NCALD: variants seen among roughly 807,000 people sequenced by gnomAD.
NCALD encodes the protein neurocalcin delta, also known as neurocalcin-delta.
In NCALD, 10 loss-of-function variants were observed where a neutral mutation model predicts 18.6. The observed-to-expected ratio is 0.54, with a 90% CI of 0.33 to 0.91. The LOEUF is 0.91. Among genes scored for constraint, NCALD ranks in the 40% least tolerant of loss-of-function variants. NCALD has a pLI of 0.03. For missense variants in NCALD, 184 were observed against 247.6 expected (o/e 0.74, Z 1.72); for synonymous variants, 88 against 87.4 (o/e 1.01, Z -0.04).
Position 101,710,369 on chromosome 8 carries a change from G to A in NCALD, c.378+8883C>T, listed in dbSNP as rs1030072448. Among the ~76,000 whole-genome samples, 3 of 151,578 alleles carry A rather than the reference G, an allele frequency of 2.0e-5. No individual in the cohort carries two copies. In the South Asian group the frequency reaches 6.3e-4, roughly 32 times the overall value. ...GGCAGACAACACGCTAGCTGCAGAT[G>A]TTTTTTTTTGTACTCCAGTGGTGCC... is the stretch of plus-strand genomic sequence containing the variant. On this transcript the variant is annotated intron_variant, in intron 2 of 3. Transcript: ENST00000220931.
At chr8:101,828,033 A>C (rs895708671) in intron 4 of NCALD, among the ~76,000 whole-genome samples, 5 of 152,218 alleles carry the variant, frequency 3.3e-5, no homozygotes, top group Admixed American at 2.6e-4. Flanking sequence ...TTTTAATGTA[A>C]CATAGCAATT....
intron 2 of NCALD, chr8:101,694,529 C>T (rs1291670625): frequency 1.3e-5 from 2 of 152,186 alleles, no homozygotes; most frequent in African/African-American, 4.8e-5. Context: ...TGTCTCAAAC[C>T]CACCCAATGT....
At chr8:101,943,889 C>T (rs1156890716) in intron 2 of NCALD, among the ~76,000 whole-genome samples, 2 of 151,238 alleles carry the variant, frequency 1.3e-5, no homozygotes, top group Non-Finnish European at 2.9e-5. Flanking sequence ...TGCAGTGAGC[C>T]GAGATCACAC....
intron 3 of NCALD, chr8:101,690,431 C>A: frequency 2.0e-6 from 2 of 985,456 alleles, no homozygotes; most frequent in Non-Finnish European, 2.4e-6. Flanking sequence ...AAGGGCAGCA[C>A]CCGGCCTGCC....
At chr8:102,048,461 C>G (rs1482736062) in intron 1 of NCALD, among the ~76,000 whole-genome samples, 1 of 152,148 alleles carries the variant, frequency 6.6e-6, no homozygotes, top group African/African-American at 2.4e-5. Context: ...CTCAGAGACT[C>G]TTTCTCTGTA....
intron 2 of NCALD, chr8:101,693,698 C>T (rs1037469002): frequency 2.6e-5 from 4 of 152,130 alleles, no homozygotes; most frequent in Non-Finnish European, 5.9e-5. Context: ...CAAGTGGATG[C>T]CTATCATGGA....
chr8:102,099,004 T>C (rs77192122), intron 1 of NCALD, among the ~76,000 whole-genome samples: 2 of 152,354 alleles, frequency 1.3e-5, no homozygotes, highest in East Asian at 3.9e-4. Flanking sequence ...TTGATGGCCA[T>C]GTTGGCTTCC....
intron 2 of NCALD, among the ~76,000 whole-genome samples, chr8:101,715,053 A>T (rs1327507594): frequency 6.6e-6 from 1 of 151,892 alleles, no homozygotes; most frequent in Admixed American, 6.5e-5. Flanking sequence ...CTGACTTCAA[A>T]CTATACTACA....
At chr8:101,975,363 C>T (rs752430068) in intron 2 of NCALD, 1 of 152,188 alleles carries the variant, frequency 6.6e-6, no homozygotes, top group Admixed American at 6.5e-5. Context: ...TGAACTATGG[C>T]TCTCTAAGCC....
At chr8:101,951,860 G>A (rs965555604) in intron 2 of NCALD, among the ~76,000 whole-genome samples, 6 of 152,088 alleles carry the variant, frequency 3.9e-5, no homozygotes, top group Non-Finnish European at 4.4e-5. Flanking sequence ...CCACAGGTAG[G>A]ACCAAGTGGC....
intron 4 of NCALD, among the ~76,000 whole-genome samples, chr8:101,804,106 T>C (rs1812970191): frequency 6.6e-6 from 1 of 152,090 alleles, no homozygotes; most frequent in Non-Finnish European, 1.5e-5. Context: ...TAGAACTTGC[T>C]GAAGGCTCAG....
At chr8:101,949,540 G>A (rs7838767) in intron 2 of NCALD, among the ~76,000 whole-genome samples, 55,287 of 151,452 alleles carry the variant, frequency 0.37, 10,374 homozygotes, top group South Asian at 0.44. Flanking sequence ...TAATAACTCG[G>A]CCTCCCCGTC....
intron 2 of NCALD, among the ~76,000 whole-genome samples, chr8:102,004,849 C>T (rs1018717447): frequency 6.6e-6 from 1 of 152,064 alleles, no homozygotes; most frequent in African/African-American, 2.4e-5. Context: ...GAAACTGGAT[C>T]CCTTCCTTAC....
At chr8:102,039,617 G>A (rs1822982014) in intron 1 of NCALD, among the ~76,000 whole-genome samples, 1 of 152,096 alleles carries the variant, frequency 6.6e-6, no homozygotes, top group South Asian at 2.1e-4. Context: ...CTTACTAGAT[G>A]AGCTCAGTCC....
chr8:101,831,375 T>C (rs1199210940), intron 4 of NCALD, among the ~76,000 whole-genome samples: 2 of 152,196 alleles, frequency 1.3e-5, no homozygotes, highest in African/African-American at 2.4e-5. Flanking sequence ...CCTGTGCCAT[T>C]GGATTATCTT....
chr8:101,833,264 A>G (rs1487796473), intron 4 of NCALD, among the ~76,000 whole-genome samples: 2 of 152,230 alleles, frequency 1.3e-5, no homozygotes, highest in Non-Finnish European at 2.9e-5. Context: ...CTAAAAGTCT[A>G]CATTTCTAGC....
intron 2 of NCALD, among the ~76,000 whole-genome samples, chr8:101,949,941 G>A (rs1022685208): frequency 1.3e-5 from 2 of 152,156 alleles, no homozygotes; most frequent in South Asian, 4.1e-4. Flanking sequence ...CATCCATCAG[G>A]CACTTCATCA....
At chr8:101,790,405 T>G (rs1812402617) in intron 1 of NCALD, among the ~76,000 whole-genome samples, 1 of 152,242 alleles carries the variant, frequency 6.6e-6, no homozygotes, top group African/African-American at 2.4e-5. Context: ...CTATTGTTGC[T>G]AAATATGAAT....
chr8:101,733,867 T>C (rs2130617501), intron 1 of NCALD, among the ~76,000 whole-genome samples: 1 of 152,284 alleles, frequency 6.6e-6, no homozygotes, highest in Middle Eastern at 3.4e-3. Flanking sequence ...TATTCTAACC[T>C]GAAATTAAGC....
Sources: gnomAD v4.1 joint callset for allele counts (sites outside exome capture counted in the v4.1 genomes callset) on GRCh38, gnomAD v4.1.1 for gene constraint, MANE v1.5 for transcripts, NCBI Gene and HGNC (gene_info 2026-07-23, HGNC 2026-07-21) for gene names.